Variants in OR2T12 observed in about 807,000 individuals in gnomAD.
OR2T12 encodes olfactory receptor family 2 subfamily T member 12, also known as olfactory receptor 2T12.
For missense variants in OR2T12, 335 were observed against 404.3 expected, an observed-to-expected ratio of 0.83 and a Z score of 1.47; for synonymous variants, 127 against 160.5, an observed-to-expected ratio of 0.79 and a Z score of 1.58.
rs965901612 is a variant in OR2T12, at chr1:248,293,086, C to A, written c.*1530G>T. ...AACTCTTAGTCTTAAACAGATGACA[C>A]TCTCTCCTGTCATCCTCAAGTCTTC... On this transcript the variant is annotated 3_prime_UTR_variant, in exon 3 of 3. Coordinates refer to ENST00000641276, the MANE Select transcript of OR2T12 (RefSeq NM_001004692.2). The A allele has an allele frequency of 6.6e-6, 1 of 152,102 alleles. No homozygotes were observed. Among genetic ancestry groups the A allele is most frequent in the East Asian group, 1.9e-4 (1 of 5,188 alleles). The allele number at this position is 152,102 out of a possible 1,614,324, so 9.4% of individuals were successfully genotyped here. A position where few individuals can be genotyped will look rare whatever the true frequency, so the allele number is the denominator to read the frequency against.
rs1659631394 is a variant in OR2T12, at chr1:248,291,380, A to G, written c.*3236T>C. ...TAAAACACCTAGGAATACAACTTAT[A>G]AAGGATATGAAGGACCTCTTCAAGG... On this transcript the variant is annotated 3_prime_UTR_variant, in exon 3 of 3. Transcript: ENST00000641276. 2 of 152,128 alleles carry G rather than the reference A, an allele frequency of 1.3e-5. No homozygotes were observed. The highest frequency in any genetic ancestry group is 4.1e-4 in the South Asian group (2 of 4,834). The allele number at this position is 152,128 out of a possible 1,614,324, so 9.4% of individuals were successfully genotyped here.
chr1:248,296,957 G>A (rs981612086), intron 2 of OR2T12, among the ~76,000 whole-genome samples: 1 of 152,096 alleles, frequency 6.6e-6, no homozygotes, highest in African/African-American at 2.4e-5. Flanking sequence ...GTAACGCCTA[G>A]GTTTTCTTCT....
At chr1:248,301,901 T>G (rs1374951685) in intron 1 of OR2T12, among the ~76,000 whole-genome samples, 1 of 152,038 alleles carries the variant, frequency 6.6e-6, no homozygotes. Context: ...TTGAAAATCA[T>G]GGTCAGATTT....
At position 248,291,109 on chromosome 1, in the gene OR2T12, C is replaced by A. The variant is rs1481080897; in HGVS notation, c.*3507G>T. 6.6e-6 allele frequency: 1 copy of A among 151,456 alleles called. No homozygotes were observed. The highest frequency in any genetic ancestry group is 1.5e-5 in the Non-Finnish European group (1 of 67,750). 9.4% of individuals were successfully genotyped at this position (151,456 alleles called of 1,614,324 possible). On this transcript the variant is annotated 3_prime_UTR_variant, in exon 3 of 3. Coordinates refer to ENST00000641276, the MANE Select transcript of OR2T12 (RefSeq NM_001004692.2). ...AAATTTTCTCCCATTCTCTAAGTTG[C>A]CTGTTTACTCTGATGAATCCAAAGG... is the stretch of plus-strand genomic sequence containing the variant.
chr1:248,297,061 T>G (rs1032034842), intron 2 of OR2T12, among the ~76,000 whole-genome samples: 17 of 152,324 alleles, frequency 1.1e-4, no homozygotes, highest in Middle Eastern at 3.4e-3. Context: ...CAGCTTCAGC[T>G]TTCTACATAT....
rs767756671 is a variant in OR2T12 at position 248,295,236 on chromosome 1, C to A, written c.343G>T (p.Ala115Ser). Residue 115 changes from alanine (A) to serine (S), a missense_variant, in exon 3 of 3, where the codon GCC becomes TCC. By Grantham distance (99) the Ala-to-Ser change is moderately conservative. Coordinates refer to ENST00000641276, the MANE Select transcript of OR2T12 (RefSeq NM_001004692.2). ...GCCGCATAGCGGTCATAGGCCATGG[C>A]TGCTAAGAGGAAGCACTCTCCACCA... ...LGGGECFLLA[A>S]MAYDRYAAVC... 45 of 1,609,166 alleles carry A rather than the reference C, an allele frequency of 2.8e-5. No homozygotes were observed. Among genetic ancestry groups the A allele is most frequent in the South Asian group, 2.0e-4 (18 of 90,892 alleles).
At position 248,292,591 on chromosome 1, in the gene OR2T12, A is replaced by T. The variant is rs1441015156; in HGVS notation, c.*2025T>A. 2 of 152,174 alleles carry T rather than the reference A, an allele frequency of 1.3e-5. No homozygotes were observed. Among genetic ancestry groups the T allele is most frequent in the African/African-American group, 4.8e-5 (2 of 41,464 alleles). 9.4% of individuals were successfully genotyped at this position (152,174 alleles called of 1,614,324 possible). ...GTTACAAAAGCAATAAGAAATGAAC[A>T]TATAATTTCTAAAAGTATTTAAAAT... On this transcript the variant is annotated 3_prime_UTR_variant, in exon 3 of 3. Transcript: ENST00000641276.
chr1:248,295,614 A>G (rs749090410), intron 2 of OR2T12, 28 bp from the exon 3 acceptor site: 3 of 1,543,680 alleles, frequency 1.9e-6, no homozygotes, highest in South Asian at 2.6e-5. Context: ...ATGGAAAAAT[A>G]GAGAAAGAAG....
chr1:248,295,520 C>G lies in OR2T12; in HGVS notation c.59G>C (p.Arg20Thr), dbSNP rs1183578553. The change falls in exon 3 of 3, where the codon AGA becomes ACA. Residue 20 changes from arginine (R) to threonine (T), a missense_variant. Transcript: ENST00000641276. ...FILLGLFNHT[R>T]AHQVLFMMLL... ...CATCATGAAGAGGACTTGGTGGGCT[C>G]TGGTGTGGTTAAAGAGTCCTAGGAG... 6.2e-7 allele frequency: 1 copy of G among 1,613,106 alleles called. No individual in the cohort carries two copies. The highest frequency in any genetic ancestry group is 1.3e-5 in the African/African-American group (1 of 74,590).
At chr1:248,300,659 C>G (rs1029581364) in intron 2 of OR2T12, among the ~76,000 whole-genome samples, 6 of 152,120 alleles carry the variant, frequency 3.9e-5, no homozygotes, top group Non-Finnish European at 8.8e-5. Flanking sequence ...TTTTGACCAT[C>G]ATACCATAGC....
rs1277091279 is a variant in OR2T12, at chr1:248,293,894, G to A, written c.*722C>T. On this transcript the variant is annotated 3_prime_UTR_variant, in exon 3 of 3. Coordinates refer to ENST00000641276, the MANE Select transcript of OR2T12 (RefSeq NM_001004692.2). ...AAATTACATGAATTTAAAAAAGTTT[G>A]CCTTAAAACACCAAATAAAAAGAGA... 1 of 62,102 alleles carries A rather than the reference G, an allele frequency of 1.6e-5. No individual in the cohort carries two copies. The highest frequency in any genetic ancestry group is 3.3e-5 in the Non-Finnish European group (1 of 30,186). 3.8% of individuals were successfully genotyped at this position (62,102 alleles called of 1,614,324 possible).
chr1:248,296,551 C>T (rs1659731343), intron 2 of OR2T12, among the ~76,000 whole-genome samples: 1 of 152,112 alleles, frequency 6.6e-6, no homozygotes, highest in African/African-American at 2.4e-5. Flanking sequence ...GCCATTCTAA[C>T]TGGTGTGAGA....
chr1:248,300,915 C>T (rs1659803322), intron 2 of OR2T12, among the ~76,000 whole-genome samples: 1 of 152,070 alleles, frequency 6.6e-6, no homozygotes, highest in Admixed American at 6.6e-5. Flanking sequence ...GTGATTAATT[C>T]TACTTGATCA....
At chr1:248,300,499 C>T (rs1659799224) in intron 2 of OR2T12, among the ~76,000 whole-genome samples, 1 of 152,044 alleles carries the variant, frequency 6.6e-6, no homozygotes, top group Non-Finnish European at 1.5e-5. Context: ...TTTCCCACCT[C>T]AGGGTGCCAT....
intron 2 of OR2T12, among the ~76,000 whole-genome samples, chr1:248,300,118 A>C (rs929556915): frequency 2.0e-5 from 3 of 152,166 alleles, no homozygotes; most frequent in African/African-American, 7.2e-5. Flanking sequence ...AAAATTAAAA[A>C]AATAGAAAAA....
intron 2 of OR2T12, among the ~76,000 whole-genome samples, 196 bp from the exon 3 acceptor site, chr1:248,295,782 T>G (rs1377228720): frequency 1.3e-5 from 2 of 152,200 alleles, no homozygotes; most frequent in African/African-American, 4.8e-5. Context: ...TTTAATGTTC[T>G]AACTGAGATC....
rs576026167 is a variant in OR2T12 at position 248,298,477 on chromosome 1, G to C, written c.-8-2891C>G. ...TAGAATTTGCCTGTGAATCCTTCTG[G>C]TCCTGGACTCTTTTTGGTGGGTAAG... On this transcript the variant is annotated intron_variant, in intron 2 of 2. Coordinates refer to ENST00000641276, the MANE Select transcript of OR2T12 (RefSeq NM_001004692.2). Among the ~76,000 whole-genome samples, 195 of 152,120 alleles carry C rather than the reference G, an allele frequency of 1.3e-3. 2 individuals are homozygous for C. The highest frequency in any genetic ancestry group is 4.3e-3 in the African/African-American group (177 of 41,480).
intron 2 of OR2T12, among the ~76,000 whole-genome samples, chr1:248,297,534 C>A (rs1291683518): frequency 1.3e-5 from 2 of 152,138 alleles, no homozygotes; most frequent in Non-Finnish European, 2.9e-5. Flanking sequence ...TTTCATTGAG[C>A]AGTGGTTTGC....
In OR2T12 at chr1:248,301,477, G is replaced by T. The variant is rs1220691750; in HGVS notation, c.-113C>A. ...TGAAGATAACATTGGGATTCCAAGAGGTATTTGTATATATTCCTATAAAAA... is the reference window on the plus strand; with the variant it reads ...TGAAGATAACATTGGGATTCCAAGATGTATTTGTATATATTCCTATAAAAA... On this transcript the variant is annotated 5_prime_UTR_variant, in exon 2 of 3. Coordinates refer to ENST00000641276, the MANE Select transcript of OR2T12 (RefSeq NM_001004692.2). 1 of 151,876 alleles carries T rather than the reference G, an allele frequency of 6.6e-6. No homozygotes were observed. The highest frequency in any genetic ancestry group is 1.5e-5 in the Non-Finnish European group (1 of 67,908). 9.4% of individuals were successfully genotyped at this position (151,876 alleles called of 1,614,324 possible). A position where few individuals can be genotyped will look rare whatever the true frequency, so the allele number is the denominator to read the frequency against.
Sources: allele counts gnomAD v4.1 joint callset (sites outside exome capture counted in the v4.1 genomes callset), GRCh38; gene constraint gnomAD v4.1.1; transcripts MANE v1.5; gene names NCBI Gene and HGNC (gene_info 2026-07-23, HGNC 2026-07-21).